Variants in LRBA observed in about 807,000 individuals in gnomAD.
LRBA encodes lipopolysaccharide-responsive and beige-like anchor protein.
In LRBA, 176 loss-of-function variants were observed where a neutral mutation model predicts 330.0. The ratio of observed to expected loss-of-function variants is 0.53; its 90% CI spans 0.47 to 0.60. The LOEUF is 0.60. Ranked by LOEUF, LRBA falls within the 20% of genes least tolerant of loss-of-function variation. LRBA has a pLI of 0.00. For missense variants in LRBA, 3,259 were observed against 3,444.8 expected (o/e 0.95, Z 1.35); for synonymous variants, 1,230 against 1,193.0 (o/e 1.03, Z -0.64).
chr4:150,834,464 G>C (rs930997404), intron 28 of LRBA, among the ~76,000 whole-genome samples: 4 of 152,178 alleles, frequency 2.6e-5, no homozygotes, highest in African/African-American at 9.7e-5. Flanking sequence ...TATCTGATCA[G>C]AGCTGTTGGG....
At chr4:150,377,690 G>A (rs890917946) in intron 47 of LRBA, among the ~76,000 whole-genome samples, 5 of 152,062 alleles carry the variant, frequency 3.3e-5, no homozygotes, top group Admixed American at 6.5e-5. Context: ...AATTAACCAT[G>A]ATTATAAATC....
At chr4:150,623,530 A>G (rs1034906735) in intron 37 of LRBA, among the ~76,000 whole-genome samples, 1 of 152,172 alleles carries the variant, frequency 6.6e-6, no homozygotes, top group African/African-American at 2.4e-5. Context: ...TACTATACAC[A>G]GCATAGCCAC....
rs112332170 is a variant in LRBA at position 150,507,995 on chromosome 4, G to A, written c.6331-16960C>T. On this transcript the variant is annotated intron_variant, in intron 40 of 56. Coordinates refer to ENST00000651943, the MANE Select transcript of LRBA (RefSeq NM_001364905.1). ...TGCCAAGGACAAAAAACCAAACACC[G>A]CATGTTCTCACTCATAGGTGGGAAT... 6.4e-3 allele frequency among the ~76,000 whole-genome samples: 936 copies of A among 146,918 alleles called. 11 individuals are homozygous for A. Among genetic ancestry groups the A allele is most frequent in the African/African-American group, 0.022 (888 of 39,914 alleles).
chr4:150,923,184 C>A (rs1178458038), intron 4 of LRBA, among the ~76,000 whole-genome samples: 231 of 137,078 alleles, frequency 1.7e-3, no homozygotes, highest in South Asian at 3.1e-3. Flanking sequence ...ATCGTAAAGT[C>A]AAAAAAAAAA....
intron 40 of LRBA, among the ~76,000 whole-genome samples, chr4:150,552,237 A>G (rs577356253): frequency 1.3e-5 from 2 of 152,292 alleles, no homozygotes; most frequent in East Asian, 3.9e-4. Context: ...ACAAAAATAC[A>G]GTTTATGCCA....
At chr4:150,710,505 G>A (rs1786078304) in intron 36 of LRBA, among the ~76,000 whole-genome samples, 1 of 151,628 alleles carries the variant, frequency 6.6e-6, no homozygotes, top group African/African-American at 2.4e-5. Context: ...AAAATAGGGG[G>A]AAGAGGTCCT....
rs1021874620 is a variant in LRBA at position 150,794,377 on chromosome 4, ATT to A, written c.5580+3702_5580+3703del. 5.9e-5 allele frequency among the ~76,000 whole-genome samples: 9 copies of A among 152,192 alleles called. 1 individual carries two copies. Among genetic ancestry groups the A allele is most frequent in the Admixed American group, 5.9e-4 (9 of 15,288 alleles). On this transcript the variant is annotated intron_variant, in intron 34 of 56. Coordinates refer to ENST00000651943, the MANE Select transcript of LRBA (RefSeq NM_001364905.1). ...TAAAATCATAACTATAGAAAAGAATATTAATATCATATATTCAGAAAAAATAA... is the reference window on the plus strand; with the variant it reads ...TAAAATCATAACTATAGAAAAGAATAAATATCATATATTCAGAAAAAATAA...
intron 27 of LRBA, 99 bp from the exon 28 acceptor site, chr4:150,844,306 G>T: frequency 1.5e-6 from 1 of 647,272 alleles, no homozygotes; most frequent in Non-Finnish European, 2.4e-6. Context: ...AACCAGAAAA[G>T]CAAAGCTATA....
chr4:150,598,323 G>C (rs1393928897), intron 38 of LRBA, among the ~76,000 whole-genome samples: 1 of 151,880 alleles, frequency 6.6e-6, no homozygotes, highest in African/African-American at 2.4e-5. Context: ...AAAATTTATA[G>C]TATCAAATCC....
intron 48 of LRBA, among the ~76,000 whole-genome samples, chr4:150,329,937 C>T (rs187826124): frequency 5.3e-5 from 8 of 152,252 alleles, no homozygotes; most frequent in African/African-American, 1.9e-4. Context: ...TTTCAAGTAT[C>T]GATTATTATA....
At position 150,309,788 on chromosome 4, in the gene LRBA, T is replaced by G. The variant is rs1057264921; in HGVS notation, c.7849+441A>C. Among the ~76,000 whole-genome samples, 5 of 146,210 alleles carry G rather than the reference T, an allele frequency of 3.4e-5. No homozygotes were observed. In the South Asian group the frequency reaches 1.1e-3, roughly 32 times the overall value. On this transcript the variant is annotated intron_variant, in intron 52 of 56. Transcript: ENST00000651943. ...GATTTCAGCAAGATTCTAGGCAGAA[T>G]TGGGTGGAGGCAAGATATCTACTGC... is the stretch of plus-strand genomic sequence containing the variant.
intron 47 of LRBA, among the ~76,000 whole-genome samples, chr4:150,355,819 T>C (rs1232042506): frequency 6.6e-6 from 1 of 152,140 alleles, no homozygotes; most frequent in Non-Finnish European, 1.5e-5. Context: ...TGAACATAGA[T>C]AACAGTATGT....
chr4:150,544,340 C>A lies in LRBA; in HGVS notation c.6330+43708G>T, dbSNP rs150708489. Among the ~76,000 whole-genome samples the A allele has an allele frequency of 2.0e-5, 3 of 152,220 alleles. No homozygotes were observed. In the East Asian group the frequency reaches 5.8e-4, roughly 29 times the overall value. On this transcript the variant is annotated intron_variant, in intron 40 of 56. Transcript: ENST00000651943. The stretch of plus-strand genomic sequence containing the variant: ...ACGGAGTTTTGCCATGTTGGCCAGG[C>A]TGGTCTCAAACCCCTGACCTCCAGT...
At position 150,535,679 on chromosome 4, in the gene LRBA, T is replaced by A. The variant is rs894073703; in HGVS notation, c.6331-44644A>T. 2.0e-5 allele frequency among the ~76,000 whole-genome samples: 3 copies of A among 152,340 alleles called. No individual in the cohort carries two copies. In the East Asian group the frequency reaches 5.8e-4, roughly 29 times the overall value. On this transcript the variant is annotated intron_variant, in intron 40 of 56. Transcript: ENST00000651943. ...ACTATCTACCTTAAAACAAAGACTT[T>A]TTAAAATTGAAGATAGAAAACATCT...
chr4:150,785,935 T>A (rs1228620373), intron 34 of LRBA, among the ~76,000 whole-genome samples: 3 of 152,162 alleles, frequency 2.0e-5, no homozygotes, highest in Non-Finnish European at 4.4e-5. Flanking sequence ...GAAAGGGCAG[T>A]CATTAATAGC....
intron 55 of LRBA, among the ~76,000 whole-genome samples, chr4:150,281,059 T>C (rs1330975038): frequency 1.3e-5 from 2 of 152,208 alleles, no homozygotes; most frequent in African/African-American, 4.8e-5. Flanking sequence ...CTCCCACTGC[T>C]GCCTCAAGGA....
chr4:150,975,266 C>T (rs1226459140), intron 2 of LRBA, among the ~76,000 whole-genome samples: 1 of 152,174 alleles, frequency 6.6e-6, no homozygotes, highest in African/African-American at 2.4e-5. Flanking sequence ...CAGTGGCTCA[C>T]GCCTGTAATC....
chr4:150,443,804 A>C (rs560653622), intron 44 of LRBA, among the ~76,000 whole-genome samples: 1 of 148,714 alleles, frequency 6.7e-6, no homozygotes, highest in East Asian at 2.0e-4. Flanking sequence ...TATGTAATAA[A>C]CCTGCATGTT....
intron 36 of LRBA, among the ~76,000 whole-genome samples, chr4:150,728,742 T>C (rs1031436841): frequency 1.1e-4 from 17 of 151,388 alleles, no homozygotes; most frequent in Non-Finnish European, 4.4e-5. Context: ...ACAACCAGTA[T>C]CATACTGAAT....
Sources: allele counts gnomAD v4.1 joint callset (sites outside exome capture counted in the v4.1 genomes callset), GRCh38; gene constraint gnomAD v4.1.1; transcripts MANE v1.5; gene names NCBI Gene and HGNC (gene_info 2026-07-23, HGNC 2026-07-21).